Variants in CELSR1 observed in about 807,000 individuals in gnomAD.
The protein encoded by CELSR1 is adhesion G protein-coupled receptor C1.
CELSR1 carries 110 observed loss-of-function variants against 249.1 expected under a neutral mutation model. The observed-to-expected ratio is 0.44, with a 90% confidence interval of 0.38 to 0.52. The LOEUF is 0.52. Ranked by LOEUF, CELSR1 falls within the 20% of genes least tolerant of loss-of-function variation. The probability of loss-of-function intolerance (pLI) is 0.00; values close to 1 mark genes in which losing one functional copy is unlikely to be tolerated. For synonymous variants in CELSR1, 2,113 were observed against 1,900.0 expected, an observed-to-expected ratio of 1.11 and a Z score of -2.92; for missense variants, 4,109 against 4,296.4, an observed-to-expected ratio of 0.96 and a Z score of 1.22.
Position 46,447,484 on chromosome 22 carries a change from A to G in CELSR1, c.4184-8073T>C, listed in dbSNP as rs994388704. On this transcript the variant is annotated intron_variant, in intron 2 of 34. Coordinates refer to ENST00000674500, the MANE Select transcript of CELSR1 (RefSeq NM_001378328.1). The surrounding 1 kb of genome is among the most constrained non-coding windows in gnomAD (Gnocchi z 4.7). ...ATTCACCCATACTCTGCACACCCCC[A>G]TCACCATGGCAGCCTCGCCTCCCAC... 1.3e-5 allele frequency among the ~76,000 whole-genome samples: 2 copies of G among 152,082 alleles called. No homozygotes were observed. The highest frequency in any genetic ancestry group is 4.8e-5 in the African/African-American group (2 of 41,428).
intron 1 of CELSR1, among the ~76,000 whole-genome samples, chr22:46,504,782 A>AT (rs1351749222): frequency 4.6e-5 from 7 of 152,194 alleles, no homozygotes; most frequent in Non-Finnish European, 8.8e-5. Flanking sequence ...CGCACCAGTA[A>AT]TTTCACTTCT....
At chr22:46,501,485 T>C (rs2080466218) in intron 1 of CELSR1, among the ~76,000 whole-genome samples, 1 of 152,036 alleles carries the variant, frequency 6.6e-6, no homozygotes, top group Non-Finnish European at 1.5e-5. Context: ...GTATTACAGG[T>C]GTGAGCCACC....
intron 24 of CELSR1, 106 bp from the exon 25 acceptor site, chr22:46,373,163 C>G (rs2078874827): frequency 1.6e-6 from 2 of 1,217,172 alleles, no homozygotes; most frequent in Non-Finnish European, 2.2e-6. Flanking sequence ...TCGGACCACC[C>G]TATGTGTCTG....
chr22:46,379,903 CG>C (rs1569117287), intron 22 of CELSR1, among the ~76,000 whole-genome samples: 1 of 152,194 alleles, frequency 6.6e-6, no homozygotes, highest in African/African-American at 2.4e-5. Context: ...GCTCCCATCC[CG>C]GCAACAGGGC....
Position 46,389,379 on chromosome 22 carries a change from C to T in CELSR1, c.6466G>A (p.Ala2156Thr), listed in dbSNP as rs756863708. Residue 2156 changes from alanine to threonine, a missense_variant, in exon 18 of 35, where the codon GCC becomes ACC. By Grantham distance (58) the Ala-to-Thr change is moderately conservative (BLOSUM62 0). This residue lies in a region of CELSR1 where 1,805 missense variants were observed against 1,831.6 expected (regional missense o/e 0.99). Coordinates refer to ENST00000674500, the MANE Select transcript of CELSR1 (RefSeq NM_001378328.1). ...GTLFGNDVRT[A>T]YQLLGHVLQH... ...AGGACGTGGCCCAGCAGCTGGTAGG[C>T]CGTGCGCACGTCATTGCCAAAGAGC... 6.2e-7 allele frequency: 1 copy of T among 1,611,086 alleles called. No homozygotes were observed. The highest frequency in any genetic ancestry group is 1.1e-5 in the South Asian group (1 of 91,026).
chr22:46,392,017 G>T (rs1271275214), intron 14 of CELSR1, among the ~76,000 whole-genome samples: 1 of 152,226 alleles, frequency 6.6e-6, no homozygotes, highest in Non-Finnish European at 1.5e-5. Context: ...GCCGGACCCA[G>T]GAGAGCAGTT....
chr22:46,369,098 G>A (rs769161954), intron 27 of CELSR1, 81 bp downstream of exon 27: 1 of 1,433,078 alleles, frequency 7.0e-7, no homozygotes, highest in South Asian at 1.2e-5. Context: ...GCTCTCATGG[G>A]GCCCCACCCC....
At position 46,429,271 on chromosome 22, in the gene CELSR1, A is replaced by G. The variant is rs2079568319; in HGVS notation, c.4611+4122T>C. 6.6e-6 allele frequency among the ~76,000 whole-genome samples: 1 copy of G among 152,154 alleles called. No individual in the cohort carries two copies. The highest frequency in any genetic ancestry group is 2.4e-5 in the African/African-American group (1 of 41,426). ...GCAAAACCGATTCTCAAGTGGGGAG[A>G]ACGTTTTCCGTCAGGCATGTCCACC... On this transcript the variant is annotated intron_variant, in intron 5 of 34. Transcript: ENST00000674500. The surrounding 1 kb of genome is among the most constrained non-coding windows in gnomAD (Gnocchi z 4.1).
At chr22:46,476,856 A>C (rs2080213953) in intron 1 of CELSR1, among the ~76,000 whole-genome samples, 1 of 83,338 alleles carries the variant, frequency 1.2e-5, no homozygotes, top group East Asian at 7.6e-4. Context: ...ACAGAAGGAG[A>C]GGTTGCACAT....
intron 33 of CELSR1, 24 bp from the exon 34 acceptor site, chr22:46,364,275 G>A (rs779114589): frequency 7.5e-6 from 12 of 1,602,644 alleles, no homozygotes; most frequent in East Asian, 2.2e-5. Flanking sequence ...ACACGGCAAG[G>A]TCAAGTCCGG....
rs1026098382 is a variant in CELSR1 at position 46,391,124 on chromosome 22, G to T, written c.6250+62C>A. ...AACATTCCATGAGTCCCCACATCTC[G>T]ACTGGCTCCTCCCACAAGGACGCCT... On this transcript the variant is annotated intron_variant, in intron 16 of 34. Coordinates refer to ENST00000674500, the MANE Select transcript of CELSR1 (RefSeq NM_001378328.1). The surrounding 1 kb of genome is among the most constrained non-coding windows in gnomAD (Gnocchi z 4.3). 2.9e-6 allele frequency: 4 copies of T among 1,365,938 alleles called. No homozygotes were observed. The highest frequency in any genetic ancestry group is 1.8e-5 in the Admixed American group (1 of 55,400). 84.6% of individuals were successfully genotyped at this position (1,365,938 alleles called of 1,614,324 possible).
At position 46,537,387 on chromosome 22, in the gene CELSR1, C is replaced by G. The variant is rs1307652684; in HGVS notation, c.-217G>C. On this transcript the variant is annotated 5_prime_UTR_variant, in exon 1 of 35. Transcript: ENST00000674500. The surrounding 1 kb of genome is among the most constrained non-coding windows in gnomAD (Gnocchi z 5.8). ...TTCGAGAGCACTTTGCGAAAGTTTG[C>G]GAAGTTGGTTTCAAGATGGCTCCTC... is the stretch of plus-strand genomic sequence containing the variant. Among the ~76,000 whole-genome samples the G allele has an allele frequency of 6.7e-6, 1 of 148,570 alleles. No individual in the cohort carries two copies. The highest frequency in any genetic ancestry group is 2.4e-5 in the African/African-American group (1 of 40,958).
rs2080074806 is a variant in CELSR1 at position 46,464,466 on chromosome 22, C to T, written c.3545-121G>A. The stretch of plus-strand genomic sequence containing the variant: ...AAGGAGAAGAGAGCCTGGGCATCCC[C>T]ACTCCCCATTCCCCACCCATGACCA... On this transcript the variant is annotated intron_variant, in intron 1 of 34. Coordinates refer to ENST00000674500, the MANE Select transcript of CELSR1 (RefSeq NM_001378328.1). This position sits in a 1 kb window ranked among gnomAD's most constrained non-coding sequence, Gnocchi z 8.5. 6 of 1,020,272 alleles carry T rather than the reference C, an allele frequency of 5.9e-6. No homozygotes were observed. The highest frequency in any genetic ancestry group is 8.5e-6 in the Non-Finnish European group (6 of 709,708). 63.2% of individuals were successfully genotyped at this position (1,020,272 alleles called of 1,614,324 possible).
chr22:46,404,341 G>A (rs1477934390), intron 9 of CELSR1, among the ~76,000 whole-genome samples: 2 of 152,064 alleles, frequency 1.3e-5, no homozygotes, highest in African/African-American at 4.8e-5. Context: ...GAACCTGGGA[G>A]GCAGAGGTTG....
In CELSR1 at chr22:46,361,761, ATTTTATGGTTTCTCC is replaced by A. The variant is rs2078707086; in HGVS notation, c.*1447_*1461del. The stretch of plus-strand genomic sequence containing the variant: ...TTGCATTTTACTTGATTTTCATCCT[ATTTTATGGTTTCTCC>A]TATTTGGAAGCAGCTGTGCTGATCA... On this transcript the variant is annotated 3_prime_UTR_variant, in exon 35 of 35. Transcript: ENST00000674500. 6.6e-6 allele frequency: 1 copy of A among 152,222 alleles called. No homozygotes were observed. The highest frequency in any genetic ancestry group is 6.5e-5 in the Admixed American group (1 of 15,280). 9.4% of individuals were successfully genotyped at this position (152,222 alleles called of 1,614,324 possible). A position where few individuals can be genotyped will look rare whatever the true frequency, so the allele number is the denominator to read the frequency against.
Position 46,468,936 on chromosome 22 carries a change from C to T in CELSR1, c.3545-4591G>A, listed in dbSNP as rs536391473. ...CTAAAAATACAAAAAGCTAGTTGGG[C>T]GTGGTGGCACGTGCCTGTAGTCTCA... On this transcript the variant is annotated intron_variant, in intron 1 of 34. Coordinates refer to ENST00000674500, the MANE Select transcript of CELSR1 (RefSeq NM_001378328.1). This position sits in a 1 kb window ranked among gnomAD's most constrained non-coding sequence, Gnocchi z 4.5. Among the ~76,000 whole-genome samples, 24 of 152,044 alleles carry T rather than the reference C, an allele frequency of 1.6e-4. No homozygotes were observed. The highest frequency in any genetic ancestry group is 5.5e-4 in the African/African-American group (23 of 41,466).
chr22:46,487,351 A>AGTTT (rs1227473278), intron 1 of CELSR1, among the ~76,000 whole-genome samples: 1 of 150,650 alleles, frequency 6.6e-6, no homozygotes, highest in African/African-American at 2.4e-5. Context: ...TCTGCAACCT[A>AGTTT]AACGCAAAGA....
intron 18 of CELSR1, among the ~76,000 whole-genome samples, chr22:46,388,324 G>T (rs946953096): frequency 6.6e-5 from 10 of 151,764 alleles, no homozygotes; most frequent in African/African-American, 2.4e-4. Flanking sequence ...ACTCCAGCCT[G>T]GACAACAGAG....
At chr22:46,493,997 G>A (rs2080391280) in intron 1 of CELSR1, among the ~76,000 whole-genome samples, 1 of 152,080 alleles carries the variant, frequency 6.6e-6, no homozygotes, top group South Asian at 2.1e-4. Context: ...CTAGTAAACT[G>A]GAAAACAGGT....
Sources: gnomAD v4.1 joint callset for allele counts (sites outside exome capture counted in the v4.1 genomes callset) on GRCh38, gnomAD v4.1.1 for gene constraint, gnomAD v4.1.1 regional missense constraint, Gnocchi (gnomAD v3.1) non-coding constraint, MANE v1.5 for transcripts, NCBI Gene and HGNC (gene_info 2026-07-23, HGNC 2026-07-21) for gene names.